CRYBA4: variants seen among roughly 807,000 people sequenced by gnomAD.
CRYBA4 encodes the protein beta-crystallin A4.
CRYBA4 carries 30 observed loss-of-function variants against 31.7 expected under a neutral mutation model. That is an observed-to-expected ratio of 0.95 (90% CI 0.71 to 1.28). The LOEUF (loss-of-function observed/expected upper bound fraction) is 1.28. CRYBA4 is among the 50% of genes most tolerant of loss of function. The pLI, the probability that CRYBA4 is intolerant of heterozygous loss-of-function variation, is 0.00. For missense variants in CRYBA4, 225 were observed against 260.7 expected (o/e 0.86, Z 0.94); for synonymous variants, 102 against 102.3 (o/e 1.00, Z 0.02).
chr22:26,629,830 A>G (rs1304527409), intron 5 of CRYBA4, among the ~76,000 whole-genome samples: 1 of 151,908 alleles, frequency 6.6e-6, no homozygotes, highest in East Asian at 1.9e-4. Flanking sequence ...AGGGGAAAGA[A>G]CAAGACTTCC....
chr22:26,601,054 G>A, the CRYBA4 span, among the ~76,000 whole-genome samples: 4 of 152,172 alleles, frequency 2.6e-5, no homozygotes, highest in Admixed American at 6.6e-5. Flanking sequence ...ACAAGGCTCC[G>A]TATATTTCAG....
intron 4 of CRYBA4, among the ~76,000 whole-genome samples, chr22:26,627,364 CTTTCTTTCTTTCTTT>C (rs1929741622): frequency 3.3e-5 from 1 of 30,308 alleles, no homozygotes; most frequent in Non-Finnish European, 5.8e-5. Flanking sequence ...TCCCTCCTTT[CTTTCTTTCTTTCTTT>C]CTTTCTTTCT....
the CRYBA4 span, among the ~76,000 whole-genome samples, chr22:26,605,671 C>CAA: frequency 6.6e-3 from 355 of 53,984 alleles, 5 homozygotes; most frequent in African/African-American, 0.021. Flanking sequence ...AGATGTGTCT[C>CAA]AAAAAAAAAA....
At chr22:26,597,179 T>C in the CRYBA4 span, among the ~76,000 whole-genome samples, 1 of 152,154 alleles carries the variant, frequency 6.6e-6, no homozygotes, top group Non-Finnish European at 1.5e-5. Context: ...CTATCTTTCT[T>C]GCCAGCTTTA....
the CRYBA4 span, among the ~76,000 whole-genome samples, chr22:26,608,334 A>G: frequency 0.18 from 27,040 of 152,214 alleles, 3,159 homozygotes; most frequent in South Asian, 0.38. Flanking sequence ...TCTAGATGTA[A>G]GGTTCATACA....
At chr22:26,591,682 A>C in the CRYBA4 span, among the ~76,000 whole-genome samples, 1 of 149,408 alleles carries the variant, frequency 6.7e-6, no homozygotes, top group Non-Finnish European at 1.5e-5. Flanking sequence ...TGGAGGTTGC[A>C]GTGAGCCAAG....
the CRYBA4 span, chr22:26,601,986 C>G: frequency 1.2e-6 from 2 of 1,613,750 alleles, no homozygotes; most frequent in Admixed American, 1.7e-5. Flanking sequence ...TGAAGTTGGC[C>G]CCTTCAAACA....
At chr22:26,602,038 C>T in the CRYBA4 span, 83 of 1,612,828 alleles carry the variant, frequency 5.1e-5, no homozygotes, top group African/African-American at 5.1e-4. Context: ...AAAGAGAGGC[C>T]GGGTCAGGTG....
the CRYBA4 span, among the ~76,000 whole-genome samples, chr22:26,613,776 A>G: frequency 2.0e-5 from 3 of 152,216 alleles, no homozygotes; most frequent in African/African-American, 7.2e-5. Context: ...TTCAGGGAAT[A>G]AGAGAGATAA....
At chr22:26,612,038 C>T in the CRYBA4 span, 3 of 1,470,742 alleles carry the variant, frequency 2.0e-6, no homozygotes, top group South Asian at 2.3e-5. Context: ...TTTACTGTGG[C>T]AGAGAGTGTG....
the CRYBA4 span, among the ~76,000 whole-genome samples, chr22:26,597,671 A>G: frequency 6.6e-6 from 1 of 152,212 alleles, no homozygotes; most frequent in African/African-American, 2.4e-5. Context: ...AATAACATCA[A>G]TCAATATTAA....
the CRYBA4 span, among the ~76,000 whole-genome samples, chr22:26,593,594 C>A: frequency 6.6e-6 from 1 of 151,244 alleles, no homozygotes; most frequent in African/African-American, 2.4e-5. Context: ...GGTGTGATCT[C>A]GGCTCACTGC....
chr22:26,627,420 CTTTCTTTTTCT>C (rs1289456451), intron 4 of CRYBA4, among the ~76,000 whole-genome samples: 1 of 80,842 alleles, frequency 1.2e-5, no homozygotes, highest in Non-Finnish European at 2.1e-5. Flanking sequence ...TTCTTTCTTT[CTTTCTTTTTCT>C]TTCTTTCTTT....
chr22:26,592,745 C>T, the CRYBA4 span, among the ~76,000 whole-genome samples: 1 of 152,166 alleles, frequency 6.6e-6, no homozygotes, highest in South Asian at 2.1e-4. Flanking sequence ...TGACTTTCTG[C>T]AAAGATCCCT....
chr22:26,617,080 A>C (rs1254616194), upstream of CRYBA4, among the ~76,000 whole-genome samples: 1 of 152,128 alleles, frequency 6.6e-6, no homozygotes, highest in Non-Finnish European at 1.5e-5. Flanking sequence ...GGGTTGGTGT[A>C]TGGGTGCAAA....
chr22:26,617,730 A>T (rs1177705280), upstream of CRYBA4, among the ~76,000 whole-genome samples: 1 of 148,366 alleles, frequency 6.7e-6, no homozygotes, highest in Admixed American at 6.7e-5. Flanking sequence ...TCTCTCCCTC[A>T]TTGTATCTTT....
the CRYBA4 span, among the ~76,000 whole-genome samples, chr22:26,592,684 A>C: frequency 6.6e-6 from 1 of 152,150 alleles, no homozygotes; most frequent in South Asian, 2.1e-4. Context: ...TTTCTCTTGC[A>C]GTGATGGAGA....
chr22:26,593,707 G>A, the CRYBA4 span, among the ~76,000 whole-genome samples: 1 of 151,920 alleles, frequency 6.6e-6, no homozygotes, highest in Non-Finnish European at 1.5e-5. Context: ...TGTATTTGGA[G>A]TAGAGATGGG....
chr22:26,591,386 G>A, the CRYBA4 span, among the ~76,000 whole-genome samples: 12 of 148,838 alleles, frequency 8.1e-5, no homozygotes, highest in African/African-American at 1.8e-4. Flanking sequence ...CAGGAGAATC[G>A]CTTGAACCTG....
Sources: gnomAD v4.1 joint callset for allele counts (sites outside exome capture counted in the v4.1 genomes callset) on GRCh38, gnomAD v4.1.1 for gene constraint, MANE v1.5 for transcripts, NCBI Gene and HGNC (gene_info 2026-07-23, HGNC 2026-07-21) for gene names.